Variants in FNBP1L observed in about 807,000 individuals in gnomAD.
FNBP1L encodes the protein formin binding protein 1 like, also known as formin-binding protein 1-like.
FNBP1L carries 36 observed loss-of-function variants against 91.2 expected under a neutral mutation model. That is an observed-to-expected ratio of 0.39 (90% CI 0.30 to 0.52). The LOEUF (loss-of-function observed/expected upper bound fraction) is 0.52. Among genes scored for constraint, FNBP1L ranks in the 20% least tolerant of loss-of-function variants. FNBP1L has a pLI of 0.66. For missense variants in FNBP1L, 571 were observed against 732.1 expected, an observed-to-expected ratio of 0.78 and a Z score of 2.54; for synonymous variants, 242 against 237.0, an observed-to-expected ratio of 1.02 and a Z score of -0.19.
intron 1 of FNBP1L, among the ~76,000 whole-genome samples, chr1:93,453,106 C>T (rs1373188221): frequency 2.0e-5 from 3 of 152,176 alleles, no homozygotes; most frequent in Non-Finnish European, 2.9e-5. Context: ...GGACTACCAC[C>T]TTATATTACG....
intron 7 of FNBP1L, 58 bp from the exon 8 acceptor site, chr1:93,532,864 C>A: frequency 7.2e-7 from 1 of 1,380,906 alleles, no homozygotes; most frequent in Non-Finnish European, 9.9e-7. Flanking sequence ...TAATTGAACT[C>A]CTTTAGAATG....
chr1:93,515,984 T>A (rs1182505811), intron 2 of FNBP1L, among the ~76,000 whole-genome samples: 1 of 152,230 alleles, frequency 6.6e-6, no homozygotes, highest in Non-Finnish European at 1.5e-5. Flanking sequence ...AGTCTCATCA[T>A]CTGATAAAGA....
At chr1:93,449,785 GT>G (rs1668424150) in intron 1 of FNBP1L, among the ~76,000 whole-genome samples, 1 of 152,108 alleles carries the variant, frequency 6.6e-6, no homozygotes, top group East Asian at 1.9e-4. Context: ...TTTTACATTG[GT>G]TAGTTTCTCA....
Position 93,547,382 on chromosome 1 carries a change from G to A in FNBP1L, c.1443G>A (p.Gly481=). The A allele has an allele frequency of 6.4e-7, 1 of 1,562,624 alleles. No homozygotes were observed. Among genetic ancestry groups the A allele is most frequent in the Non-Finnish European group, 8.7e-7 (1 of 1,152,680 alleles). The change falls in exon 14 of 17, where the codon GGG becomes GGA. Residue 481 remains glycine (G), a synonymous_variant. Transcript: ENST00000271234. ...CTGAAGTCGAAGGCAAAACAGGTGG[G>A]AGAGGAGACAGAAGACATAGCAGTG... is the stretch of plus-strand genomic sequence containing the variant. ...WLSEVEGKTG[G]RGDRRHSSDI...
At chr1:93,483,406 A>C (rs1376564156) in intron 1 of FNBP1L, among the ~76,000 whole-genome samples, 2 of 152,190 alleles carry the variant, frequency 1.3e-5, no homozygotes, top group Admixed American at 6.5e-5. Flanking sequence ...CCAGTATTAC[A>C]GTCACAGTAA....
intron 1 of FNBP1L, among the ~76,000 whole-genome samples, chr1:93,497,440 ATG>A (rs1670303163): frequency 6.6e-6 from 1 of 152,124 alleles, no homozygotes; most frequent in African/African-American, 2.4e-5. Flanking sequence ...TTTTGCATTG[ATG>A]GTGTCTTTAT....
At chr1:93,496,658 C>CTA (rs977945883) in intron 1 of FNBP1L, among the ~76,000 whole-genome samples, 1 of 152,100 alleles carries the variant, frequency 6.6e-6, no homozygotes, top group African/African-American at 2.4e-5. Context: ...CTTGCCTCGG[C>CTA]CTCCCAAAGT....
At chr1:93,550,537 T>C (rs1672374730) in intron 15 of FNBP1L, among the ~76,000 whole-genome samples, 1 of 152,230 alleles carries the variant, frequency 6.6e-6, no homozygotes, top group Non-Finnish European at 1.5e-5. Flanking sequence ...ACTCTCTTTT[T>C]TCCTTCTTTC....
rs1343948508 is a variant in FNBP1L at position 93,553,877 on chromosome 1, T to C, written c.*1461T>C. On this transcript the variant is annotated 3_prime_UTR_variant, in exon 17 of 17. Coordinates refer to ENST00000271234, the MANE Select transcript of FNBP1L (RefSeq NM_001164473.3). ...ACCACTGAATCTTCATTAATTTGGT[T>C]CTTTACTGTTTTGAGGGGAGAAAGA... 2 of 152,472 alleles carry C rather than the reference T, an allele frequency of 1.3e-5. No homozygotes were observed. Among genetic ancestry groups the C allele is most frequent in the Non-Finnish European group, 2.9e-5 (2 of 68,002 alleles). 9.4% of individuals were successfully genotyped at this position (152,472 alleles called of 1,614,324 possible). A position where few individuals can be genotyped will look rare whatever the true frequency, so the allele number is the denominator to read the frequency against.
intron 11 of FNBP1L, 87 bp from the exon 12 acceptor site, chr1:93,544,020 G>A (rs548195761): frequency 8.5e-5 from 76 of 898,406 alleles, no homozygotes; most frequent in Non-Finnish European, 1.1e-4. Context: ...CTTAAGATTG[G>A]TATGTATTCT....
chr1:93,479,857 C>T (rs1669630302), intron 1 of FNBP1L, among the ~76,000 whole-genome samples: 2 of 152,094 alleles, frequency 1.3e-5, no homozygotes, highest in Admixed American at 6.5e-5. Context: ...GTTTTACAAT[C>T]AGTTTGTACA....
intron 1 of FNBP1L, among the ~76,000 whole-genome samples, chr1:93,468,265 C>A (rs1377133475): frequency 6.6e-6 from 1 of 152,172 alleles, no homozygotes; most frequent in Non-Finnish European, 1.5e-5. Context: ...CTCATGCATA[C>A]TGTAACATGC....
intron 1 of FNBP1L, among the ~76,000 whole-genome samples, chr1:93,452,404 A>G (rs1668527419): frequency 6.6e-6 from 1 of 152,238 alleles, no homozygotes; most frequent in Non-Finnish European, 1.5e-5. Context: ...TGGGTTAAAC[A>G]TTTTTGTCAA....
chr1:93,448,315 G>T lies in FNBP1L; in HGVS notation c.24+10G>T. The T allele has an allele frequency of 6.6e-7, 1 of 1,508,170 alleles. No homozygotes were observed. The highest frequency in any genetic ancestry group is 8.9e-7 in the Non-Finnish European group (1 of 1,129,462). The allele number at this position is 1,508,170 out of a possible 1,614,324, so 93.4% of individuals were successfully genotyped here. ...GGGCACGGAGCTGTGGGTGAGTCGG[G>T]GAGAGGGGCGCCCCGCACGGACCCC... On this transcript the variant is annotated intron_variant, in intron 1 of 16. Coordinates refer to ENST00000271234, the MANE Select transcript of FNBP1L (RefSeq NM_001164473.3).
chr1:93,499,850 A>G (rs1670386917), intron 2 of FNBP1L, among the ~76,000 whole-genome samples: 1 of 152,224 alleles, frequency 6.6e-6, no homozygotes, highest in African/African-American at 2.4e-5. Flanking sequence ...CGGGAAAAAG[A>G]AATATCTGCG....
chr1:93,493,088 A>T lies in FNBP1L; in HGVS notation c.25-6380A>T, dbSNP rs542568059. On this transcript the variant is annotated intron_variant, in intron 1 of 16. Coordinates refer to ENST00000271234, the MANE Select transcript of FNBP1L (RefSeq NM_001164473.3). ...AGACTAGCCTGGGCAACATGGCAAA[A>T]CCGTGTCTCTACTAAAAATACAAAA... Among the ~76,000 whole-genome samples the T allele has an allele frequency of 2.6e-3, 394 of 152,248 alleles. 5 individuals carry two copies. The highest frequency in any genetic ancestry group is 4.5e-3 in the Non-Finnish European group (307 of 68,024).
chr1:93,456,995 C>T (rs532001276), intron 1 of FNBP1L, among the ~76,000 whole-genome samples: 1 of 152,184 alleles, frequency 6.6e-6, no homozygotes, highest in East Asian at 1.9e-4. Context: ...CTCAGGTGAT[C>T]CTCCATCCTC....
intron 1 of FNBP1L, among the ~76,000 whole-genome samples, chr1:93,461,434 G>A (rs1040445271): frequency 3.6e-5 from 5 of 140,460 alleles, no homozygotes. Context: ...CGTCACTGGC[G>A]TGGGTTCACG....
chr1:93,478,770 G>C (rs1193664114), intron 1 of FNBP1L, among the ~76,000 whole-genome samples: 2 of 152,232 alleles, frequency 1.3e-5, no homozygotes, highest in Non-Finnish European at 2.9e-5. Flanking sequence ...ATATTGAAAG[G>C]TGTTGGTGTT....
Sources: gnomAD v4.1 joint callset for allele counts (sites outside exome capture counted in the v4.1 genomes callset) on GRCh38, gnomAD v4.1.1 for gene constraint, MANE v1.5 for transcripts, NCBI Gene and HGNC (gene_info 2026-07-23, HGNC 2026-07-21) for gene names.